Variants in KLHDC1 observed in about 807,000 individuals in gnomAD.
KLHDC1 encodes the protein kelch domain-containing protein 1.
Under a neutral mutation model 68.3 loss-of-function variants are expected in KLHDC1, and 53 were observed. That is an observed-to-expected ratio of 0.78 (90% confidence interval 0.62 to 0.98). The LOEUF (loss-of-function observed/expected upper bound fraction) is 0.98, where lower values mean the gene tolerates loss of function less well. Among genes scored for constraint, KLHDC1 ranks in the 50% least tolerant of loss-of-function variants. The pLI, the probability that KLHDC1 is intolerant of heterozygous loss-of-function variation, is 0.00. For missense variants in KLHDC1, 470 were observed against 492.3 expected, an observed-to-expected ratio of 0.95 and a Z score of 0.43; for synonymous variants, 148 against 159.0, an observed-to-expected ratio of 0.93 and a Z score of 0.52.
At chr14:49,713,848 A>ATTTTTTTTTT (rs1888294672) in intron 4 of KLHDC1, among the ~76,000 whole-genome samples, 1 of 50,154 alleles carries the variant, frequency 2.0e-5, no homozygotes, top group African/African-American at 8.9e-5. Context: ...ATATATATAT[A>ATTTTTTTTTT]TATTTTTTTT....
intron 4 of KLHDC1, among the ~76,000 whole-genome samples, chr14:49,716,067 A>G (rs1403106436): frequency 6.6e-6 from 1 of 152,016 alleles, no homozygotes; most frequent in Non-Finnish European, 1.5e-5. Context: ...TCCTGGTTAC[A>G]CTTAATTTTT....
intron 1 of KLHDC1, among the ~76,000 whole-genome samples, chr14:49,696,698 G>C (rs918714741): frequency 6.6e-6 from 1 of 152,104 alleles, no homozygotes; most frequent in Non-Finnish European, 1.5e-5. Flanking sequence ...AGGCTGTTTT[G>C]CTTTCATATT....
chr14:49,748,690 T>TA (rs1273773283), intron 12 of KLHDC1, among the ~76,000 whole-genome samples: 1 of 151,898 alleles, frequency 6.6e-6, no homozygotes, highest in Non-Finnish European at 1.5e-5. Flanking sequence ...AAGTATATAG[T>TA]AAAAAAATCA....
chr14:49,725,827 G>A, intron 6 of KLHDC1, 58 bp downstream of exon 6: 1 of 894,216 alleles, frequency 1.1e-6, no homozygotes, highest in Non-Finnish European at 1.7e-6. Context: ...ATTTTTTACT[G>A]TGGATTTTGG....
intron 1 of KLHDC1, among the ~76,000 whole-genome samples, chr14:49,706,050 C>G (rs943874945): frequency 6.6e-6 from 1 of 151,870 alleles, no homozygotes; most frequent in Admixed American, 6.6e-5. Context: ...CTATAGTCAC[C>G]CTATTGTGCG....
At chr14:49,711,026 A>ATT (rs1566600870) in intron 4 of KLHDC1, among the ~76,000 whole-genome samples, 1 of 152,016 alleles carries the variant, frequency 6.6e-6, no homozygotes, top group Non-Finnish European at 1.5e-5. Flanking sequence ...ATGGAGTCTC[A>ATT]CTGTTGCTCA....
chr14:49,699,918 A>G (rs1887852878), intron 1 of KLHDC1: 3 of 182,632 alleles, frequency 1.6e-5, no homozygotes, highest in Non-Finnish European at 3.5e-5. Context: ...ATTTAGGGGA[A>G]AAACTCGGTA....
chr14:49,696,318 C>T (rs1385310080), intron 1 of KLHDC1, among the ~76,000 whole-genome samples: 9 of 151,726 alleles, frequency 5.9e-5, no homozygotes, highest in Non-Finnish European at 1.3e-4. Context: ...ATTACAGGTG[C>T]GTGACACTAC....
intron 8 of KLHDC1, among the ~76,000 whole-genome samples, chr14:49,731,876 T>G (rs1050312600): frequency 6.6e-6 from 1 of 152,122 alleles, no homozygotes; most frequent in African/African-American, 2.4e-5. Context: ...TGAGAAATCC[T>G]TAGAGGTTTA....
intron 6 of KLHDC1, among the ~76,000 whole-genome samples, chr14:49,727,553 A>G (rs5002390): frequency 0.92 from 139,958 of 152,238 alleles, 65,465 homozygotes; most frequent in East Asian, 1. Flanking sequence ...AATCGTAAGT[A>G]TTAGAGTTTG....
intron 12 of KLHDC1, among the ~76,000 whole-genome samples, chr14:49,744,531 A>G (rs1889146744): frequency 6.6e-6 from 1 of 152,034 alleles, no homozygotes; most frequent in South Asian, 2.1e-4. Context: ...GTTCCAGGAA[A>G]ACCCCCACTT....
At chr14:49,731,761 C>T (rs139612956) in intron 8 of KLHDC1, among the ~76,000 whole-genome samples, 4 of 152,206 alleles carry the variant, frequency 2.6e-5, no homozygotes, top group African/African-American at 9.6e-5. Flanking sequence ...CAGGATGGTC[C>T]GTCCAACTCC....
chr14:49,705,617 C>T (rs915973732), intron 1 of KLHDC1, among the ~76,000 whole-genome samples: 2 of 151,898 alleles, frequency 1.3e-5, no homozygotes, highest in African/African-American at 4.8e-5. Context: ...GATCTGTTCG[C>T]CTCAGCCTCC....
chr14:49,750,237 G>T (rs544711842), intron 12 of KLHDC1, among the ~76,000 whole-genome samples: 1 of 152,080 alleles, frequency 6.6e-6, no homozygotes, highest in Non-Finnish European at 1.5e-5. Flanking sequence ...TGCCCCACTC[G>T]CGCTCTGCCC....
intron 4 of KLHDC1, among the ~76,000 whole-genome samples, chr14:49,719,623 A>C (rs1888475347): frequency 1.3e-5 from 2 of 151,582 alleles, no homozygotes. Flanking sequence ...TTTTTTGTAG[A>C]GACAGGGTTT....
intron 11 of KLHDC1, among the ~76,000 whole-genome samples, chr14:49,740,456 G>A (rs1889035915): frequency 6.6e-6 from 1 of 152,090 alleles, no homozygotes; most frequent in Non-Finnish European, 1.5e-5. Flanking sequence ...TCCTGCCTCA[G>A]CCTCCCGAGT....
chr14:49,739,328 T>G (rs1029911246), intron 10 of KLHDC1, among the ~76,000 whole-genome samples: 8 of 152,174 alleles, frequency 5.3e-5, no homozygotes, highest in African/African-American at 1.9e-4. Flanking sequence ...AAAAAGAAAC[T>G]GGTTGATCAC....
At chr14:49,731,159 A>C (rs147368663) in intron 8 of KLHDC1, among the ~76,000 whole-genome samples, 78 of 152,238 alleles carry the variant, frequency 5.1e-4, no homozygotes, top group African/African-American at 1.8e-3. Context: ...GCATGCTTGT[A>C]AACAGAGCTA....
At chr14:49,732,163 G>T (rs538101502) in intron 8 of KLHDC1, among the ~76,000 whole-genome samples, 67 of 151,792 alleles carry the variant, frequency 4.4e-4, no homozygotes, top group African/African-American at 1.6e-3. Context: ...GTGCATTAAC[G>T]GAGAATTGAC....
Sources: gnomAD v4.1 joint callset for allele counts (sites outside exome capture counted in the v4.1 genomes callset) on GRCh38, gnomAD v4.1.1 for gene constraint, MANE v1.5 for transcripts, NCBI Gene and HGNC (gene_info 2026-07-23, HGNC 2026-07-21) for gene names.